SLC8A3: variants seen among roughly 807,000 people sequenced by gnomAD.
The protein encoded by SLC8A3 is sodium/calcium exchanger 3.
A neutral mutation model predicts 65.4 loss-of-function variants in SLC8A3; 37 were observed. That is an observed-to-expected ratio of 0.57 (90% CI 0.44 to 0.74). The LOEUF is 0.74. SLC8A3 is among the 30% of genes least tolerant of loss of function. The pLI is 0.00. For synonymous variants in SLC8A3, 461 were observed against 444.5 expected (o/e 1.04, Z -0.47); for missense variants, 1,112 against 1,172.1 (o/e 0.95, Z 0.75).
In SLC8A3 at chr14:70,046,266, C is replaced by G. The variant is rs1432770305; in HGVS notation, c.2447G>C (p.Gly816Ala). The change falls in exon 7 of 7, where the codon GGC (glycine) becomes GCC (alanine). Residue 816 changes from glycine (G) to alanine (A), a missense_variant. By Grantham distance (60) the Gly-to-Ala change is moderately conservative. Coordinates refer to ENST00000356921, the MANE Select transcript of SLC8A3 (RefSeq NM_182932.3). This position sits in a 1 kb window ranked among gnomAD's most constrained non-coding sequence, Gnocchi z 4.2. ...GACGGCGTTGCTGCCCGTCACGTTG[C>G]CAATGGAGGCGTCTGCATATACATC... The part of the protein sequence containing the change: ...LQDVYADASI[G>A]NVTGSNAVNV... The G allele has an allele frequency of 6.2e-7, 1 of 1,614,090 alleles. No individual in the cohort carries two copies.
At chr14:70,050,115 T>C (rs1182605127) in intron 5 of SLC8A3, among the ~76,000 whole-genome samples, 1 of 152,224 alleles carries the variant, frequency 6.6e-6, no homozygotes, top group African/African-American at 2.4e-5. Flanking sequence ...CTCTTATTTC[T>C]GAACCTCAGT....
At position 70,168,198 on chromosome 14, in the gene SLC8A3, G is replaced by A; in HGVS notation, c.225C>T (p.Ala75=). The change falls in exon 2 of 7, where the codon GCC becomes GCT. Residue 75 remains alanine, a synonymous_variant. Coordinates refer to ENST00000356921, the MANE Select transcript of SLC8A3 (RefSeq NM_182932.3). The part of the protein sequence containing the change: ...PENPSLGDKI[A]RVIVYFVALI... ...GGGCCACAAAATAGACAATGACCCT[G>A]GCAATCTTGTCCCCAAGGGAAGGGT... is the stretch of plus-strand genomic sequence containing the variant. 6.2e-7 allele frequency: 1 copy of A among 1,614,118 alleles called. No individual in the cohort carries two copies.
rs182851232 is a variant in SLC8A3 at position 70,179,248 on chromosome 14, C to G, written c.-63+9131G>C. ...AAAGGCAATCTCCCCCTCCAGTACT[C>G]TCTTGTAACATCACTTTTCGTTTTC... On this transcript the variant is annotated intron_variant, in intron 1 of 6. Coordinates refer to ENST00000356921, the MANE Select transcript of SLC8A3 (RefSeq NM_182932.3). 1.7e-3 allele frequency among the ~76,000 whole-genome samples: 257 copies of G among 152,320 alleles called. 1 individual carries two copies. Among genetic ancestry groups the G allele is most frequent in the African/African-American group, 5.8e-3 (243 of 41,556 alleles).
chr14:70,181,158 T>C (rs1230433460), intron 1 of SLC8A3, among the ~76,000 whole-genome samples: 4 of 151,944 alleles, frequency 2.6e-5, no homozygotes, highest in African/African-American at 7.3e-5. Context: ...AGAACAGAGG[T>C]GAGTCTTACC....
In SLC8A3 at chr14:70,167,899, G is replaced by A; in HGVS notation, c.524C>T (p.Ala175Val). Residue 175 changes from alanine (A) to valine (V), a missense_variant, in exon 2 of 7, where the codon GCC (alanine) becomes GTC (valine). By Grantham distance (64) the Ala-to-Val change is moderately conservative. Transcript: ENST00000356921. ...GCCAATGATGATGAACATGTTGAAG[G>A]CTGCACTCCCTACAATGGTAGAAGG... ...LGPSTIVGSA[A>V]FNMFIIIGIC... 6.2e-7 allele frequency: 1 copy of A among 1,614,106 alleles called. No homozygotes were observed. The highest frequency in any genetic ancestry group is 8.5e-7 in the Non-Finnish European group (1 of 1,180,020).
chr14:70,140,061 T>C (rs1895465476), intron 2 of SLC8A3, among the ~76,000 whole-genome samples: 1 of 152,226 alleles, frequency 6.6e-6, no homozygotes, highest in African/African-American at 2.4e-5. Context: ...ATTATTTTTA[T>C]CATCATTTTG....
Position 70,174,744 on chromosome 14 carries a change from T to G in SLC8A3, c.-62-6260A>C, listed in dbSNP as rs370697071. ...AATTGCAGGTACAGCCATGAACCACTTCTCCAACCTCTGAGAGTTTATTTT... is the reference window on the plus strand; with the variant it reads ...AATTGCAGGTACAGCCATGAACCACGTCTCCAACCTCTGAGAGTTTATTTT... On this transcript the variant is annotated intron_variant, in intron 1 of 6. Coordinates refer to ENST00000356921, the MANE Select transcript of SLC8A3 (RefSeq NM_182932.3). Among the ~76,000 whole-genome samples the G allele has an allele frequency of 9.3e-5, 13 of 139,252 alleles. No individual in the cohort carries two copies. The East Asian group carries it at 1.7e-3, about 19-fold the overall frequency. 91.4% of individuals were successfully genotyped at this position (139,252 alleles called of 152,430 possible).
At chr14:70,121,775 G>C (rs1737337482) in intron 2 of SLC8A3, among the ~76,000 whole-genome samples, 1 of 152,122 alleles carries the variant, frequency 6.6e-6, no homozygotes, top group Non-Finnish European at 1.5e-5. Flanking sequence ...AGCCCAGCTG[G>C]GGAGAGGGAT....
intron 2 of SLC8A3, among the ~76,000 whole-genome samples, chr14:70,120,660 G>C (rs1201585890): frequency 6.6e-6 from 1 of 152,136 alleles, no homozygotes; most frequent in East Asian, 1.9e-4. Context: ...TCCTCCCTCT[G>C]CCTTTAGCTT....
In SLC8A3 at chr14:70,156,062, G is replaced by A. The variant is rs568125696; in HGVS notation, c.1784+10577C>T. Among the ~76,000 whole-genome samples, 15 of 152,284 alleles carry A rather than the reference G, an allele frequency of 9.9e-5. 1 individual carries two copies. Among genetic ancestry groups the A allele is most frequent in the African/African-American group, 3.6e-4 (15 of 41,558 alleles). ...TTATCAGCTAATAACCTAAAACATG[G>A]GTTCCACAGGGAGGGGCAGACCATG... On this transcript the variant is annotated intron_variant, in intron 2 of 6. Coordinates refer to ENST00000356921, the MANE Select transcript of SLC8A3 (RefSeq NM_182932.3).
chr14:70,113,166 A>G (rs1893424761), intron 2 of SLC8A3, among the ~76,000 whole-genome samples: 1 of 152,160 alleles, frequency 6.6e-6, no homozygotes, highest in Non-Finnish European at 1.5e-5. Context: ...GAAATTTGTC[A>G]TTAGGAAGTT....
At chr14:70,138,128 T>C (rs1038454314) in intron 2 of SLC8A3, among the ~76,000 whole-genome samples, 8 of 152,058 alleles carry the variant, frequency 5.3e-5, no homozygotes, top group Non-Finnish European at 1.2e-4. Flanking sequence ...CCCTTGGTCT[T>C]GAGTGGGTGG....
At chr14:70,136,135 G>A (rs1156659336) in intron 2 of SLC8A3, among the ~76,000 whole-genome samples, 1 of 152,182 alleles carries the variant, frequency 6.6e-6, no homozygotes, top group East Asian at 1.9e-4. Flanking sequence ...AGAGGGCTAT[G>A]TGAAGTCAGA....
At chr14:70,105,053 G>A (rs1892767460) in intron 2 of SLC8A3, among the ~76,000 whole-genome samples, 1 of 152,228 alleles carries the variant, frequency 6.6e-6, no homozygotes, top group African/African-American at 2.4e-5. Flanking sequence ...ACCTCGGCCA[G>A]GCGCGGTGGC....
chr14:70,168,396 G>A lies in SLC8A3; in HGVS notation c.27C>T (p.Leu9=), dbSNP rs1262768591. The part of the protein sequence containing the change: MAWLRLQP[L]TSAFLHFGLV... The stretch of plus-strand genomic sequence containing the variant: ...GCCCAAAATGGAGGAAGGCAGAGGT[G>A]AGAGGCTGCAACCTTAACCACGCCA... The change falls in exon 2 of 7, where the codon CTC becomes CTT. Residue 9 remains leucine (L), a synonymous_variant. Transcript: ENST00000356921. The A allele has an allele frequency of 3.1e-6, 5 of 1,613,892 alleles. No homozygotes were observed. The highest frequency in any genetic ancestry group is 1.7e-5 in the Admixed American group (1 of 59,982).
chr14:70,078,389 C>T (rs932092603), intron 2 of SLC8A3, among the ~76,000 whole-genome samples: 3 of 152,188 alleles, frequency 2.0e-5, no homozygotes, highest in Admixed American at 6.5e-5. Context: ...GATATCAGCA[C>T]TATTTGTTTA....
intron 2 of SLC8A3, among the ~76,000 whole-genome samples, chr14:70,073,814 G>C (rs143048130): frequency 6.6e-6 from 1 of 152,304 alleles, no homozygotes; most frequent in African/African-American, 2.4e-5. Flanking sequence ...AGAGAGAGGA[G>C]CTGGCTCTTC....
chr14:70,101,946 G>C (rs1311865056), intron 2 of SLC8A3, among the ~76,000 whole-genome samples: 1 of 152,146 alleles, frequency 6.6e-6, no homozygotes, highest in African/African-American at 2.4e-5. Context: ...TCACAAGATA[G>C]GGTCCCTAGA....
At chr14:70,054,269 G>C (rs2139754257) in intron 3 of SLC8A3, among the ~76,000 whole-genome samples, 1 of 151,808 alleles carries the variant, frequency 6.6e-6, no homozygotes, top group East Asian at 1.9e-4. Context: ...TGGGGGGGTG[G>C]TTAGCTCAGA....
Sources: allele counts gnomAD v4.1 joint callset (sites outside exome capture counted in the v4.1 genomes callset), GRCh38; gene constraint gnomAD v4.1.1; non-coding constraint Gnocchi (gnomAD v3.1); transcripts MANE v1.5; gene names NCBI Gene and HGNC (gene_info 2026-07-23, HGNC 2026-07-21).